Variants in POU2F1 observed in about 807,000 individuals in gnomAD.
The protein encoded by POU2F1 is POU class 2 homeobox 1.
POU2F1 carries 16 observed loss-of-function variants against 84.9 expected under a neutral mutation model. That is an observed-to-expected ratio of 0.19 (90% CI 0.13 to 0.29). POU2F1 has a LOEUF of 0.29. Ranked by LOEUF, POU2F1 falls within the 10% of genes least tolerant of loss-of-function variation. POU2F1 has a pLI of 1.00. For missense variants in POU2F1, 738 were observed against 942.6 expected (o/e 0.78, Z 2.84); for synonymous variants, 368 against 368.3 (o/e 1.00, Z 0.01).
chr1:167,403,845 T>A (rs1186561176), intron 13 of POU2F1, among the ~76,000 whole-genome samples: 1 of 152,244 alleles, frequency 6.6e-6, no homozygotes, highest in Non-Finnish European at 1.5e-5. Flanking sequence ...TTAGAAAGGT[T>A]ACATGGGAGG....
intron 7 of POU2F1, among the ~76,000 whole-genome samples, chr1:167,378,790 GT>G (rs1054323812): frequency 2.0e-5 from 3 of 151,788 alleles, no homozygotes; most frequent in Non-Finnish European, 4.4e-5. Flanking sequence ...TTGTTTGTTT[GT>G]TTTTGAGATG....
At chr1:167,315,277 T>C (rs766812313) in intron 1 of POU2F1, among the ~76,000 whole-genome samples, 2 of 152,242 alleles carry the variant, frequency 1.3e-5, no homozygotes, top group Non-Finnish European at 2.9e-5. Context: ...TAAAAAATTA[T>C]GTTCACATAA....
At chr1:167,311,492 T>C (rs1386607214) in intron 1 of POU2F1, among the ~76,000 whole-genome samples, 1 of 152,042 alleles carries the variant, frequency 6.6e-6, no homozygotes, top group Non-Finnish European at 1.5e-5. Context: ...AAAAGAGAAA[T>C]GTAATCATGT....
intron 1 of POU2F1, among the ~76,000 whole-genome samples, chr1:167,330,526 C>A (rs549138770): frequency 2.6e-5 from 4 of 152,104 alleles, no homozygotes; most frequent in Non-Finnish European, 5.9e-5. Context: ...TTTAACACAT[C>A]ATTTTAGAAG....
At chr1:167,330,698 A>T (rs1657023489) in intron 1 of POU2F1, among the ~76,000 whole-genome samples, 1 of 152,128 alleles carries the variant, frequency 6.6e-6, no homozygotes, top group African/African-American at 2.4e-5. Context: ...AGTTCAGTAG[A>T]AGAATCTGAG....
At chr1:167,237,776 T>A (rs1334561004) in intron 1 of POU2F1, among the ~76,000 whole-genome samples, 10 of 113,602 alleles carry the variant, frequency 8.8e-5, no homozygotes, top group African/African-American at 2.4e-4. Context: ...ATATATATTT[T>A]TTTTTTTTTT....
At chr1:167,396,530 C>A (rs1431046284) in intron 10 of POU2F1, 103 bp downstream of exon 10, 1 of 1,232,162 alleles carries the variant, frequency 8.1e-7, no homozygotes, top group East Asian at 2.4e-5. Flanking sequence ...TTTGTTGTTA[C>A]AGAACCTTGA....
chr1:167,366,956 T>C (rs887639342), intron 3 of POU2F1, among the ~76,000 whole-genome samples: 1 of 152,198 alleles, frequency 6.6e-6, no homozygotes, highest in Non-Finnish European at 1.5e-5. Flanking sequence ...GCACAGATGA[T>C]GTGCAGTTTT....
At chr1:167,287,715 A>T (rs953158802) in intron 1 of POU2F1, among the ~76,000 whole-genome samples, 1 of 152,228 alleles carries the variant, frequency 6.6e-6, no homozygotes, top group African/African-American at 2.4e-5. Flanking sequence ...AAGAATAGGG[A>T]TAGTTCTCAG....
At chr1:167,237,772 A>ATTTTTTTTTTT (rs1216931950) in intron 1 of POU2F1, among the ~76,000 whole-genome samples, 2 of 29,950 alleles carry the variant, frequency 6.7e-5, no homozygotes, top group African/African-American at 3.0e-4. Context: ...ATATATATAT[A>ATTTTTTTTTTT]TTTTTTTTTT....
intron 2 of POU2F1, among the ~76,000 whole-genome samples, chr1:167,342,892 C>A (rs924380701): frequency 6.6e-6 from 1 of 152,004 alleles, no homozygotes; most frequent in African/African-American, 2.4e-5. Flanking sequence ...GTTTGGAGTA[C>A]CTTTATAGCT....
intron 1 of POU2F1, 59 bp downstream of exon 1, chr1:167,221,017 C>CG (rs1180499606): frequency 7.2e-7 from 1 of 1,390,124 alleles, no homozygotes; most frequent in African/African-American, 1.4e-5. Context: ...TCCCGCTGCC[C>CG]CCCCCCGCGA....
chr1:167,386,315 C>T (rs1477107548), intron 8 of POU2F1, among the ~76,000 whole-genome samples: 1 of 152,164 alleles, frequency 6.6e-6, no homozygotes, highest in Non-Finnish European at 1.5e-5. Context: ...CCGCATCAGC[C>T]TCCTGAGTAG....
At chr1:167,236,040 T>A (rs998975296) in intron 1 of POU2F1, among the ~76,000 whole-genome samples, 1 of 152,222 alleles carries the variant, frequency 6.6e-6, no homozygotes, top group Non-Finnish European at 1.5e-5. Context: ...ATTAGTCTTT[T>A]AAATTTTTCC....
chr1:167,372,036 G>A lies in POU2F1; in HGVS notation c.402G>A (p.Gly134=). The change falls in exon 5 of 16, where the codon GGG becomes GGA. Residue 134 remains glycine, a splice_region_variant and synonymous_variant. Coordinates refer to ENST00000367866, the MANE Select transcript of POU2F1 (RefSeq NM_002697.4). ...QLMLAGGQIT[G]LTLTPAQQQL... ...TGCTAGCTGGAGGACAGATAACTGGGGTAAGTGTTCACTGAGAGAATTATA... is the reference window on the plus strand; with the variant it reads ...TGCTAGCTGGAGGACAGATAACTGGAGTAAGTGTTCACTGAGAGAATTATA... 3.1e-6 allele frequency: 5 copies of A among 1,610,210 alleles called. No individual in the cohort carries two copies. Among genetic ancestry groups the A allele is most frequent in the Non-Finnish European group, 4.2e-6 (5 of 1,178,430 alleles).
chr1:167,314,214 C>G (rs568303800), intron 1 of POU2F1, among the ~76,000 whole-genome samples: 15,640 of 146,378 alleles, frequency 0.11, 2,069 homozygotes, highest in African/African-American at 0.32. Flanking sequence ...AAAAAAAAAA[C>G]AAAACTTCAA....
intron 1 of POU2F1, among the ~76,000 whole-genome samples, chr1:167,328,370 T>G (rs569237394): frequency 6.6e-6 from 1 of 152,356 alleles, no homozygotes; most frequent in South Asian, 2.1e-4. Flanking sequence ...AAGTGGGACT[T>G]TCTCTTGACG....
chr1:167,307,763 A>G (rs1025551045), intron 1 of POU2F1, among the ~76,000 whole-genome samples: 1 of 152,160 alleles, frequency 6.6e-6, no homozygotes, highest in Admixed American at 6.5e-5. Flanking sequence ...ACCCTATTCA[A>G]ATTTTGCCAC....
chr1:167,399,071 A>G, intron 11 of POU2F1, 115 bp from the exon 12 acceptor site: 2 of 948,762 alleles, frequency 2.1e-6, no homozygotes, highest in Non-Finnish European at 3.1e-6. Flanking sequence ...AAGTGGCCTA[A>G]TGTGGATGGT....
Sources: allele counts gnomAD v4.1 joint callset (sites outside exome capture counted in the v4.1 genomes callset), GRCh38; gene constraint gnomAD v4.1.1; transcripts MANE v1.5; gene names NCBI Gene and HGNC (gene_info 2026-07-23, HGNC 2026-07-21).